GALNTL6: variants seen among roughly 807,000 people sequenced by gnomAD.
GALNTL6 encodes polypeptide N-acetylgalactosaminyltransferase-like 6.
Under a neutral mutation model 73.7 loss-of-function variants are expected in GALNTL6, and 46 were observed. The ratio of observed to expected loss-of-function variants is 0.62; its 90% confidence interval spans 0.49 to 0.80. The LOEUF is 0.80. GALNTL6 is among the 30% of genes least tolerant of loss of function. The pLI, the probability that GALNTL6 is intolerant of heterozygous loss-of-function variation, is 0.00. For synonymous variants in GALNTL6, 259 were observed against 263.7 expected (o/e 0.98, Z 0.17); for missense variants, 604 against 755.0 (o/e 0.80, Z 2.34).
At chr4:172,839,467 G>A (rs1219677691) in intron 7 of GALNTL6, among the ~76,000 whole-genome samples, 1 of 152,188 alleles carries the variant, frequency 6.6e-6, no homozygotes, top group African/African-American at 2.4e-5. Context: ...TGATTAAACT[G>A]TGAGCCATTA....
chr4:173,032,394 T>C (rs990714100), intron 12 of GALNTL6, among the ~76,000 whole-genome samples: 1 of 148,272 alleles, frequency 6.7e-6, no homozygotes, highest in Non-Finnish European at 1.5e-5. Flanking sequence ...GAGCTTGCAG[T>C]GAGCCGAGAT....
At chr4:172,640,714 C>T (rs1739935891) in intron 5 of GALNTL6, among the ~76,000 whole-genome samples, 1 of 152,082 alleles carries the variant, frequency 6.6e-6, no homozygotes, top group South Asian at 2.1e-4. Context: ...TCCCTAAAGA[C>T]CTCATTTTAA....
intron 5 of GALNTL6, among the ~76,000 whole-genome samples, chr4:172,778,380 T>C (rs1739186191): frequency 1.3e-5 from 2 of 152,218 alleles, no homozygotes; most frequent in South Asian, 2.1e-4. Context: ...TTCTTGTAAA[T>C]AGGGACACAA....
intron 5 of GALNTL6, among the ~76,000 whole-genome samples, chr4:172,703,384 T>C (rs1437351723): frequency 6.6e-6 from 1 of 152,024 alleles, no homozygotes; most frequent in Non-Finnish European, 1.5e-5. Flanking sequence ...GTCTAGTTTG[T>C]TAAGTATTTT....
rs138410055 is a variant in GALNTL6 at position 172,925,976 on chromosome 4, A to G, written c.1042-5185A>G. 4.5e-3 allele frequency among the ~76,000 whole-genome samples: 685 copies of G among 152,354 alleles called. 5 individuals are homozygous for G. The highest frequency in any genetic ancestry group is 6.8e-3 in the Middle Eastern group (2 of 294). On this transcript the variant is annotated intron_variant, in intron 8 of 12. Transcript: ENST00000506823. ...TGTGTGTTTATTAGGTTGTTTTGCT[A>G]TATCTTAAGAAGGAAAGAGTCTTAC...
At chr4:172,156,955 G>A (rs763249889) in intron 2 of GALNTL6, among the ~76,000 whole-genome samples, 1 of 152,084 alleles carries the variant, frequency 6.6e-6, no homozygotes, top group Non-Finnish European at 1.5e-5. Context: ...CAGCTGGAGA[G>A]AGTATGTCCA....
rs566752112 is a variant in GALNTL6 at position 172,448,504 on chromosome 4, A to T, written c.553+99815A>T. Among the ~76,000 whole-genome samples, 5 of 152,290 alleles carry T rather than the reference A, an allele frequency of 3.3e-5. No individual in the cohort carries two copies. The South Asian group carries it at 1.0e-3, about 32-fold the overall frequency. On this transcript the variant is annotated intron_variant, in intron 5 of 12. Coordinates refer to ENST00000506823, the MANE Select transcript of GALNTL6 (RefSeq NM_001034845.3). ...CTGATTTAGAACATTGACACATCAG[A>T]AGTTACTCATATTTATAAAGCAGGC...
chr4:172,190,851 G>A lies in GALNTL6; in HGVS notation c.139-38805G>A, dbSNP rs557139228. Among the ~76,000 whole-genome samples, 12 of 152,320 alleles carry A rather than the reference G, an allele frequency of 7.9e-5. No individual in the cohort carries two copies. In the South Asian group the frequency reaches 2.3e-3, roughly 29 times the overall value. On this transcript the variant is annotated intron_variant, in intron 2 of 12. Transcript: ENST00000506823. ...GGGCTGCAGAGCCTGTCACTGTACTGCAACTGTTCTTGTCTAGGGAGTTGA... is the reference window on the plus strand; with the variant it reads ...GGGCTGCAGAGCCTGTCACTGTACTACAACTGTTCTTGTCTAGGGAGTTGA...
intron 2 of GALNTL6, among the ~76,000 whole-genome samples, chr4:171,882,369 T>A (rs1462272702): frequency 6.6e-6 from 1 of 152,222 alleles, no homozygotes; most frequent in African/African-American, 2.4e-5. Flanking sequence ...ATTAGGGTTC[T>A]CTAGAGGAAC....
At chr4:172,163,772 AATTG>A (rs1346518415) in intron 2 of GALNTL6, among the ~76,000 whole-genome samples, 11 of 152,174 alleles carry the variant, frequency 7.2e-5, no homozygotes, top group Middle Eastern at 3.4e-3. Context: ...CCTCAATGGA[AATTG>A]CTTATTTTAA....
Position 172,512,307 on chromosome 4 carries a change from C to T in GALNTL6, c.553+163618C>T, listed in dbSNP as rs1246836177. Among the ~76,000 whole-genome samples the T allele has an allele frequency of 2.9e-4, 9 of 30,608 alleles. 3 individuals carry two copies. Among genetic ancestry groups the T allele is most frequent in the African/African-American group, 6.9e-4 (9 of 13,004 alleles). The allele number at this position is 30,608 out of a possible 152,430, so 20.1% of individuals were successfully genotyped here. A position where few individuals can be genotyped will look rare whatever the true frequency, so the allele number is the denominator to read the frequency against. The stretch of plus-strand genomic sequence containing the variant: ...TGCATGGAATATCTTTTTCCACCCC[C>T]TTACCTTAAGTTTATATGAGTCTTT... On this transcript the variant is annotated intron_variant, in intron 5 of 12. Transcript: ENST00000506823.
intron 2 of GALNTL6, among the ~76,000 whole-genome samples, chr4:171,989,257 C>CCTG (rs1740245030): frequency 1.3e-5 from 2 of 152,120 alleles, no homozygotes; most frequent in Non-Finnish European, 2.9e-5. Context: ...CCGTGATGGT[C>CCTG]TAGGGGGCTT....
chr4:172,552,204 A>G (rs1735980162), intron 5 of GALNTL6, among the ~76,000 whole-genome samples: 2 of 152,130 alleles, frequency 1.3e-5, no homozygotes, highest in East Asian at 1.9e-4. Context: ...GTCACAGCTC[A>G]TTTAATGAAA....
chr4:172,036,249 AGGTTT>A (rs1209492172), intron 2 of GALNTL6, among the ~76,000 whole-genome samples: 2 of 152,082 alleles, frequency 1.3e-5, no homozygotes, highest in African/African-American at 2.4e-5. Flanking sequence ...TTTAACCCAA[AGGTTT>A]GGATTTTGGG....
At chr4:172,061,534 A>G (rs35553785) in intron 2 of GALNTL6, among the ~76,000 whole-genome samples, 59,308 of 152,060 alleles carry the variant, frequency 0.39, 12,844 homozygotes, top group South Asian at 0.6. Flanking sequence ...ACAAGACAAC[A>G]ATCTTGATAA....
At chr4:172,082,331 T>A (rs1731903448) in intron 2 of GALNTL6, among the ~76,000 whole-genome samples, 1 of 152,134 alleles carries the variant, frequency 6.6e-6, no homozygotes, top group South Asian at 2.1e-4. Flanking sequence ...GGGAAACAAA[T>A]GTACTTCAAA....
chr4:172,799,679 G>T (rs908851586), intron 5 of GALNTL6, among the ~76,000 whole-genome samples: 1 of 152,164 alleles, frequency 6.6e-6, no homozygotes, highest in Non-Finnish European at 1.5e-5. Flanking sequence ...ATGTAAAATG[G>T]TGCAGTCACT....
rs1377451114 is a variant in GALNTL6, at chr4:173,040,274, C to A, written c.*174C>A. On this transcript the variant is annotated 3_prime_UTR_variant, in exon 13 of 13. Transcript: ENST00000506823. The stretch of plus-strand genomic sequence containing the variant: ...TGAAGAACTTCCTGCATCTGAAGAA[C>A]TTGGCTGAGAATCTCACCAGCTGCT... 7.4e-6 allele frequency: 4 copies of A among 541,026 alleles called. No homozygotes were observed. The highest frequency in any genetic ancestry group is 1.3e-5 in the Non-Finnish European group (4 of 310,698). The allele number at this position is 541,026 out of a possible 1,614,324, so 33.5% of individuals were successfully genotyped here.
At chr4:172,981,055 C>T (rs1009124481) in intron 10 of GALNTL6, among the ~76,000 whole-genome samples, 3 of 152,290 alleles carry the variant, frequency 2.0e-5, no homozygotes, top group East Asian at 1.9e-4. Flanking sequence ...CTGAATAATA[C>T]TCCATTGAAT....
Sources: allele counts gnomAD v4.1 joint callset (sites outside exome capture counted in the v4.1 genomes callset), GRCh38; gene constraint gnomAD v4.1.1; transcripts MANE v1.5; gene names NCBI Gene and HGNC (gene_info 2026-07-23, HGNC 2026-07-21).